CCDC3: variants seen among roughly 807,000 people sequenced by gnomAD.
CCDC3 encodes coiled-coil domain containing 3.
In CCDC3, 24 loss-of-function variants were observed where a neutral mutation model predicts 21.4. That is an observed-to-expected ratio of 1.12 (90% CI 0.81 to 1.58). The LOEUF (loss-of-function observed/expected upper bound fraction) is 1.58. Ranked by LOEUF, CCDC3 falls within the 40% of genes most tolerant of loss-of-function variation. The pLI is 0.00. For synonymous variants in CCDC3, 186 were observed against 166.0 expected, an observed-to-expected ratio of 1.12 and a Z score of -0.93; for missense variants, 425 against 360.9, an observed-to-expected ratio of 1.18 and a Z score of -1.44.
At chr10:12,983,783 T>A (rs1326724786) in intron 2 of CCDC3, among the ~76,000 whole-genome samples, 2 of 151,638 alleles carry the variant, frequency 1.3e-5, no homozygotes, top group Admixed American at 6.6e-5. Flanking sequence ...GAAATGCAAA[T>A]TAAAGCCACA....
At position 13,052,155 on chromosome 10, in the gene CCDC3, G is replaced by T. The variant is rs1836616709; in HGVS notation, c.-269-2214C>A. On this transcript the variant is annotated intron_variant, in intron 4 of 6. Coordinates refer to the CCDC3 transcript ENST00000378839. ...TTTGAGAGGCTGAGAAGCAGGGATTGCTTAAAGCCAGCAGTCTAGACCAGC... is the reference window on the plus strand; with the variant it reads ...TTTGAGAGGCTGAGAAGCAGGGATTTCTTAAAGCCAGCAGTCTAGACCAGC... Among the ~76,000 whole-genome samples the T allele has an allele frequency of 3.3e-5, 5 of 152,258 alleles. No individual in the cohort carries two copies. In the South Asian group the frequency reaches 1.0e-3, roughly 32 times the overall value.
rs142102567 is a variant in CCDC3 at position 13,090,082 on chromosome 10, C to T, written c.-503+8443G>A. ...ATATATATATATATATATATATCAC[C>T]GTTTCTTTCTTTTTTTTTTTTTTTT... On this transcript the variant is annotated intron_variant, in intron 3 of 6. Coordinates refer to the CCDC3 transcript ENST00000378839. Among the ~76,000 whole-genome samples, 753 of 118,666 alleles carry T rather than the reference C, an allele frequency of 6.3e-3. 24 individuals carry two copies. The East Asian group carries it at 0.084, about 13-fold the overall frequency. 77.8% of individuals were successfully genotyped at this position (118,666 alleles called of 152,430 possible).
At position 13,089,472 on chromosome 10, in the gene CCDC3, G is replaced by T. The variant is rs144268116; in HGVS notation, c.-503+9053C>A. ...ACTTGCTTTTCTGTCCCCATTCCTC[G>T]GGGTACTCTGGCCCCGGACACCTTC... is the stretch of plus-strand genomic sequence containing the variant. On this transcript the variant is annotated intron_variant, in intron 3 of 6. Transcript: ENST00000378839. Among the ~76,000 whole-genome samples the T allele has an allele frequency of 1.4e-3, 214 of 151,968 alleles. 1 individual carries two copies. Among genetic ancestry groups the T allele is most frequent in the African/African-American group, 4.7e-3 (196 of 41,434 alleles).
At chr10:12,971,220 G>C (rs1835338561) in intron 2 of CCDC3, among the ~76,000 whole-genome samples, 1 of 152,194 alleles carries the variant, frequency 6.6e-6, no homozygotes, top group African/African-American at 2.4e-5. Context: ...GCGTGAGCAG[G>C]AAAGGGGCCA....
chr10:12,957,709 G>A (rs571232581), intron 2 of CCDC3, among the ~76,000 whole-genome samples: 21 of 152,276 alleles, frequency 1.4e-4, no homozygotes, highest in Admixed American at 2.6e-4. Context: ...CTGGCCATAC[G>A]ATGAGCCTGC....
intron 2 of CCDC3, among the ~76,000 whole-genome samples, chr10:12,960,195 G>T (rs998618985): frequency 1.7e-5 from 1 of 60,338 alleles, no homozygotes; most frequent in African/African-American, 5.9e-5. Flanking sequence ...ACACACAAAG[G>T]TTTTCTCAGC....
chr10:12,971,686 TTTTA>T (rs1305691803), intron 2 of CCDC3, among the ~76,000 whole-genome samples: 2 of 152,026 alleles, frequency 1.3e-5, no homozygotes, highest in Non-Finnish European at 2.9e-5. Flanking sequence ...GCCCCGAAGT[TTTTA>T]TTTGTTTGTT....
intron 2 of CCDC3, among the ~76,000 whole-genome samples, chr10:12,918,490 A>T (rs1834393548): frequency 6.6e-6 from 1 of 152,212 alleles, no homozygotes; most frequent in South Asian, 2.1e-4. Context: ...TGTAATTCCT[A>T]ATCAGGGAAC....
chr10:13,002,066 A>G (rs1835866065), upstream of CCDC3, among the ~76,000 whole-genome samples: 1 of 152,254 alleles, frequency 6.6e-6, no homozygotes, highest in Non-Finnish European at 1.5e-5. Flanking sequence ...ATTTCAGAGT[A>G]AAAATACATA....
intron 5 of CCDC3, among the ~76,000 whole-genome samples, chr10:13,046,989 G>A (rs1836538085): frequency 2.0e-5 from 3 of 151,748 alleles, no homozygotes; most frequent in South Asian, 4.2e-4. Flanking sequence ...CAATTTGTCT[G>A]GCAACCCAGA....
chr10:12,958,015 C>T (rs373859228), intron 2 of CCDC3, among the ~76,000 whole-genome samples: 158 of 151,934 alleles, frequency 1.0e-3, no homozygotes, highest in African/African-American at 3.6e-3. Context: ...GTAGTAGAGA[C>T]GGGGTTTCAC....
At chr10:12,977,105 C>A (rs973033857) in intron 2 of CCDC3, among the ~76,000 whole-genome samples, 5 of 152,230 alleles carry the variant, frequency 3.3e-5, no homozygotes, top group Non-Finnish European at 7.4e-5. Context: ...GAAACCCCAT[C>A]TCTACCAAAA....
At chr10:12,965,582 TAGAA>T (rs1331496611) in intron 2 of CCDC3, among the ~76,000 whole-genome samples, 6 of 152,242 alleles carry the variant, frequency 3.9e-5, no homozygotes, top group Admixed American at 2.6e-4. Flanking sequence ...ACAAGACACA[TAGAA>T]AGGCAAATAT....
chr10:12,915,906 G>A (rs1017997604), intron 2 of CCDC3, among the ~76,000 whole-genome samples: 1 of 152,024 alleles, frequency 6.6e-6, no homozygotes, highest in Non-Finnish European at 1.5e-5. Context: ...CATGGGTGCT[G>A]ACCTGGCACC....
chr10:12,991,917 C>A (rs1287770252), intron 2 of CCDC3, among the ~76,000 whole-genome samples: 1 of 152,082 alleles, frequency 6.6e-6, no homozygotes. Context: ...CTGTCTCTTT[C>A]TTATCTTTTT....
chr10:13,017,527 A>AAAAAG (rs373556848), intron 5 of CCDC3, among the ~76,000 whole-genome samples: 8 of 148,512 alleles, frequency 5.4e-5, no homozygotes, highest in Admixed American at 1.4e-4. Flanking sequence ...AAAAAAAAAA[A>AAAAAG]AAAAGAAAAG....
chr10:13,069,977 T>C (rs1836863956), intron 4 of CCDC3, among the ~76,000 whole-genome samples: 1 of 152,212 alleles, frequency 6.6e-6, no homozygotes, highest in African/African-American at 2.4e-5. Context: ...AGGTTTCTGA[T>C]AACTTTGGAG....
At chr10:13,034,397 C>G (rs902615077) in intron 5 of CCDC3, among the ~76,000 whole-genome samples, 1 of 151,736 alleles carries the variant, frequency 6.6e-6, no homozygotes, top group East Asian at 1.9e-4. Flanking sequence ...ATGTAAATGA[C>G]AAGTTAATGG....
In CCDC3 at chr10:13,096,607, GT is replaced by G. The variant is rs550873813; in HGVS notation, c.-503+1917del. Among the ~76,000 whole-genome samples, 249 of 152,284 alleles carry G rather than the reference GT, an allele frequency of 1.6e-3. 1 individual carries two copies. Among genetic ancestry groups the G allele is most frequent in the African/African-American group, 5.4e-3 (224 of 41,552 alleles). On this transcript the variant is annotated intron_variant, in intron 3 of 6. Transcript: ENST00000378839. The stretch of plus-strand genomic sequence containing the variant: ...AGGAGGGCTTTTGGTACCCATTGAA[GT>G]AAGGGCCATTTATTTTTCAGCCCAG...
Sources: gnomAD v4.1 joint callset for allele counts (sites outside exome capture counted in the v4.1 genomes callset) on GRCh38, gnomAD v4.1.1 for gene constraint, MANE v1.5 for transcripts, NCBI Gene and HGNC (gene_info 2026-07-23, HGNC 2026-07-21) for gene names.